Variants in TTC5 observed in about 807,000 individuals in gnomAD.
The protein encoded by TTC5 is tetratricopeptide repeat domain 5.
In TTC5, 46 loss-of-function variants were observed where a neutral mutation model predicts 57.4. The ratio of observed to expected loss-of-function variants is 0.80; its 90% CI spans 0.63 to 1.03. The LOEUF (loss-of-function observed/expected upper bound fraction) is 1.03. Among genes scored for constraint, TTC5 ranks in the 50% least tolerant of loss-of-function variants. The pLI is 0.00. For synonymous variants in TTC5, 190 were observed against 203.5 expected (o/e 0.93, Z 0.57); for missense variants, 504 against 528.1 (o/e 0.95, Z 0.45).
chr14:20,291,522 C>G (rs1391079216), intron 9 of TTC5, among the ~76,000 whole-genome samples: 1 of 152,192 alleles, frequency 6.6e-6, no homozygotes, highest in Non-Finnish European at 1.5e-5. Context: ...AGCACAGTGT[C>G]TAGCACTCAA....
intron 2 of TTC5, 124 bp downstream of exon 2, chr14:20,301,709 T>C: frequency 8.2e-7 from 1 of 1,219,154 alleles, no homozygotes; most frequent in South Asian, 1.9e-5. Context: ...CCCTGAGAAG[T>C]AGTATTACGT....
chr14:20,305,823 A>C, intron 1 of TTC5, 64 bp downstream of exon 1: 2 of 1,504,100 alleles, frequency 1.3e-6, no homozygotes, highest in Middle Eastern at 1.7e-4. Context: ...GCAGTACATA[A>C]ACTGGACTCC....
rs1030608425 is a variant in TTC5, at chr14:20,286,496, T to C, written c.*3131A>G. 7 of 151,980 alleles carry C rather than the reference T, an allele frequency of 4.6e-5. No individual in the cohort carries two copies. Among genetic ancestry groups the C allele is most frequent in the East Asian group, 1.9e-4 (1 of 5,188 alleles). The allele number at this position is 151,980 out of a possible 1,614,324, so 9.4% of individuals were successfully genotyped here. A position where few individuals can be genotyped will look rare whatever the true frequency, so the allele number is the denominator to read the frequency against. On this transcript the variant is annotated 3_prime_UTR_variant, in exon 10 of 10. Coordinates refer to ENST00000258821, the MANE Select transcript of TTC5 (RefSeq NM_138376.3). ...GCTTTAAAGATCAGTAGGGAAAGGA[T>C]TGATTCTTTAATAAAAGGTGCTGGG... is the stretch of plus-strand genomic sequence containing the variant.
At chr14:20,296,873 C>T (rs1882076326) in intron 5 of TTC5, among the ~76,000 whole-genome samples, 1 of 152,024 alleles carries the variant, frequency 6.6e-6, no homozygotes, top group African/African-American at 2.4e-5. Context: ...CTTAGCTAGG[C>T]ATGGTGGCAT....
chr14:20,296,452 A>C lies in TTC5; in HGVS notation c.640-6T>G, dbSNP rs752999889. On this transcript the variant is annotated splice_region_variant and splice_polypyrimidine_tract_variant and intron_variant, in intron 5 of 9. Transcript: ENST00000258821. ...GCTTTTCTGTCAACTTTCTCCTATAATGGGATGAAAAGATTATCAGTGGAT... is the reference window on the plus strand; with the variant it reads ...GCTTTTCTGTCAACTTTCTCCTATACTGGGATGAAAAGATTATCAGTGGAT... 2 of 1,606,296 alleles carry C rather than the reference A, an allele frequency of 1.2e-6. No individual in the cohort carries two copies. The highest frequency in any genetic ancestry group is 1.7e-6 in the Non-Finnish European group (2 of 1,172,836).
At chr14:20,302,987 A>T (rs768788663) in intron 1 of TTC5, among the ~76,000 whole-genome samples, 1 of 151,772 alleles carries the variant, frequency 6.6e-6, no homozygotes, top group Non-Finnish European at 1.5e-5. Context: ...TCATGAAGAG[A>T]TCGAAACCAT....
intron 6 of TTC5, 146 bp from the exon 7 acceptor site, chr14:20,296,000 T>A: frequency 1.3e-6 from 1 of 756,670 alleles, no homozygotes; most frequent in Non-Finnish European, 2.0e-6. Context: ...GAAGAGCTGG[T>A]AACACCTTAC....
chr14:20,293,182 T>C (rs544260206), intron 8 of TTC5: 4 of 152,210 alleles, frequency 2.6e-5, no homozygotes, highest in Non-Finnish European at 4.4e-5. Context: ...CAGACTGATA[T>C]GTAATAAGCT....
In TTC5 at chr14:20,295,454, C is replaced by A; in HGVS notation, c.916G>T (p.Asp306Tyr). The change falls in exon 8 of 10, where the codon GAT (aspartate) becomes TAT (tyrosine). Residue 306 changes from aspartate to tyrosine, a missense_variant. Coordinates refer to ENST00000258821, the MANE Select transcript of TTC5 (RefSeq NM_138376.3). ...CCAGAGGCTGACTGATAGTGCCCAT[C>A]ACTGCAAGGGCCTAGATGGGCTGGG... Reference protein sequence around the residue: ...LRPAHLGPCSDGHYQSASGQK... With the variant: ...LRPAHLGPCSYGHYQSASGQK... The A allele has an allele frequency of 6.2e-7, 1 of 1,614,136 alleles. No homozygotes were observed. Among genetic ancestry groups the A allele is most frequent in the Non-Finnish European group, 8.5e-7 (1 of 1,180,018 alleles).
Position 20,291,879 on chromosome 14 carries a change from C to T in TTC5, c.1203+104G>A, listed in dbSNP as rs530801178. On this transcript the variant is annotated intron_variant, in intron 9 of 9. Coordinates refer to ENST00000258821, the MANE Select transcript of TTC5 (RefSeq NM_138376.3). ...CACAAATATATATACACATAGCCTA[C>T]ACACATACTTACATATAATTATTTC... The T allele has an allele frequency of 4.5e-5, 47 of 1,039,924 alleles. No homozygotes were observed. The East Asian group carries it at 1.4e-3, about 30-fold the overall frequency. The allele number at this position is 1,039,924 out of a possible 1,614,324, so 64.4% of individuals were successfully genotyped here.
chr14:20,299,187 C>T, intron 4 of TTC5, 111 bp downstream of exon 4: 2 of 1,197,188 alleles, frequency 1.7e-6, no homozygotes, highest in Admixed American at 2.4e-5. Context: ...AACAAAGATG[C>T]CCTCTCTGGC....
Position 20,298,751 on chromosome 14 carries a change from T to A in TTC5, c.639+46A>T, listed in dbSNP as rs769284169. The A allele has an allele frequency of 1.2e-5, 16 of 1,350,402 alleles. 1 individual carries two copies. The South Asian group carries it at 1.7e-4, about 14-fold the overall frequency. 83.7% of individuals were successfully genotyped at this position (1,350,402 alleles called of 1,614,324 possible). On this transcript the variant is annotated intron_variant, in intron 5 of 9. Coordinates refer to ENST00000258821, the MANE Select transcript of TTC5 (RefSeq NM_138376.3). ...AAAGAAGACTGAACAATGCTCTTGC[T>A]TCTGTTGTTGCCTATTCATCTGGCC...
chr14:20,291,022 T>C (rs1442483218), intron 9 of TTC5, among the ~76,000 whole-genome samples: 1 of 152,136 alleles, frequency 6.6e-6, no homozygotes, highest in Non-Finnish European at 1.5e-5. Flanking sequence ...CTTCTGTCCA[T>C]TTTTTTCACT....
chr14:20,302,004 C>T, intron 1 of TTC5, 39 bp from the exon 2 acceptor site: 1 of 1,610,872 alleles, frequency 6.2e-7, no homozygotes. Flanking sequence ...GTGGAAAGAT[C>T]ACTGGATAGG....
In TTC5 at chr14:20,287,671, C is replaced by T. The variant is rs1881866470; in HGVS notation, c.*1956G>A. ...CGCACTGCTTCTCTGTGGCTACCAC[C>T]TACTGGCCATTTTTCTACTCTCTAG... On this transcript the variant is annotated 3_prime_UTR_variant, in exon 10 of 10. Transcript: ENST00000258821. 5 of 152,090 alleles carry T rather than the reference C, an allele frequency of 3.3e-5. No homozygotes were observed. Among genetic ancestry groups the T allele is most frequent in the Admixed American group, 3.3e-4 (5 of 15,262 alleles). 9.4% of individuals were successfully genotyped at this position (152,090 alleles called of 1,614,324 possible).
At chr14:20,295,178 G>T in intron 8 of TTC5, 134 bp downstream of exon 8, 4 of 766,706 alleles carry the variant, frequency 5.2e-6, no homozygotes, top group Non-Finnish European at 8.7e-6. Context: ...TCTGCCCACG[G>T]GATAGTCACA....
In TTC5 at chr14:20,296,586, T is replaced by C. The variant is rs138451076; in HGVS notation, c.640-140A>G. 3.2e-3 allele frequency: 2,277 copies of C among 718,672 alleles called. 34 individuals carry two copies. In the African/African-American group the frequency reaches 0.034, roughly 11 times the overall value. 44.5% of individuals were successfully genotyped at this position (718,672 alleles called of 1,614,324 possible). Reference sequence around the variant, plus strand: ...AATGGTATTTATACCACAGAAGCAGTTACCGTATAACAGTGTGGATATCTT... The same window carrying C: ...AATGGTATTTATACCACAGAAGCAGCTACCGTATAACAGTGTGGATATCTT... On this transcript the variant is annotated intron_variant, in intron 5 of 9. Coordinates refer to ENST00000258821, the MANE Select transcript of TTC5 (RefSeq NM_138376.3).
rs1566392421 is a variant in TTC5 at position 20,300,798 on chromosome 14, G to C, written c.205C>G (p.Gln69Glu). 5 of 1,613,796 alleles carry C rather than the reference G, an allele frequency of 3.1e-6. No homozygotes were observed. The highest frequency in any genetic ancestry group is 4.2e-6 in the Non-Finnish European group (5 of 1,179,966). The change falls in exon 3 of 10, where the codon CAA becomes GAA. Residue 69 changes from glutamine (Q) to glutamate (E), a missense_variant. Gln to Glu is a conservative substitution (Grantham distance 29). Coordinates refer to ENST00000258821, the MANE Select transcript of TTC5 (RefSeq NM_138376.3). ...GCTTTCCCAGTTAGCATTAGAACTTGTGCCTTGCCCTGGACAGAACCTAAG... is the reference window on the plus strand; with the variant it reads ...GCTTTCCCAGTTAGCATTAGAACTTCTGCCTTGCCCTGGACAGAACCTAAG... ...EVVGSVQGKAQVLMLTGKALN... is the reference protein window; with the variant it reads ...EVVGSVQGKAEVLMLTGKALN...
intron 7 of TTC5, 85 bp from the exon 8 acceptor site, chr14:20,295,611 A>G: frequency 6.5e-7 from 1 of 1,548,576 alleles, no homozygotes; most frequent in Non-Finnish European, 8.8e-7. Flanking sequence ...CCACTTCTAT[A>G]GGGTCTCTAC....
Sources: gnomAD v4.1 joint callset for allele counts (sites outside exome capture counted in the v4.1 genomes callset) on GRCh38, gnomAD v4.1.1 for gene constraint, MANE v1.5 for transcripts, NCBI Gene and HGNC (gene_info 2026-07-23, HGNC 2026-07-21) for gene names.